The following SLC9A8 variants were observed in gnomAD, a reference collection of about 807,000 sequenced individuals.
The protein encoded by SLC9A8 is sodium/hydrogen exchanger 8.
A neutral mutation model predicts 66.6 loss-of-function variants in SLC9A8; 48 were observed. The observed-to-expected ratio is 0.72, with a 90% CI of 0.57 to 0.92. The LOEUF is 0.92. Ranked by LOEUF, SLC9A8 falls within the 40% of genes least tolerant of loss-of-function variation. The probability of loss-of-function intolerance (pLI) is 0.00; values close to 1 mark genes in which losing one functional copy is unlikely to be tolerated. For synonymous variants in SLC9A8, 274 were observed against 282.6 expected (o/e 0.97, Z 0.31); for missense variants, 599 against 747.3 (o/e 0.80, Z 2.31).
At chr20:49,820,627 A>G (rs1174045579) in intron 2 of SLC9A8, among the ~76,000 whole-genome samples, 1 of 151,804 alleles carries the variant, frequency 6.6e-6, no homozygotes, top group East Asian at 1.9e-4. Flanking sequence ...GCTCACTGCA[A>G]CCTCTACCTC....
At chr20:49,831,164 CT>C (rs981441363) in intron 3 of SLC9A8, 15 of 478,884 alleles carry the variant, frequency 3.1e-5, no homozygotes, top group Non-Finnish European at 5.0e-5. Context: ...GGGCCTGGGA[CT>C]TTGCTCTGGA....
chr20:49,864,857 G>T lies in SLC9A8; in HGVS notation c.958+13G>T. 1 of 1,528,678 alleles carries T rather than the reference G, an allele frequency of 6.5e-7. No homozygotes were observed. The highest frequency in any genetic ancestry group is 1.1e-5 in the South Asian group (1 of 89,390). The allele number at this position is 1,528,678 out of a possible 1,614,324, so 94.7% of individuals were successfully genotyped here. A position where few individuals can be genotyped will look rare whatever the true frequency, so the allele number is the denominator to read the frequency against. ...ATCTCACTCTCAGGTAAGTGACAGA[G>T]AGCCTGAAAGTGCTGTGGTGATGGC... On this transcript the variant is annotated intron_variant, in intron 10 of 15. Transcript: ENST00000361573.
At chr20:49,874,255 TC>T (rs375029945) in intron 10 of SLC9A8, among the ~76,000 whole-genome samples, 103 of 150,590 alleles carry the variant, frequency 6.8e-4, no homozygotes, top group East Asian at 3.9e-3. Flanking sequence ...CAAAACTCTG[TC>T]CCCCCCCCAA....
chr20:49,836,416 C>T (rs1000026014), intron 3 of SLC9A8, among the ~76,000 whole-genome samples: 7 of 152,184 alleles, frequency 4.6e-5, no homozygotes, highest in Admixed American at 2.0e-4. Context: ...CTACTGCAAC[C>T]GCCGCCTCCC....
chr20:49,814,361 C>T (rs778537024), intron 1 of SLC9A8, among the ~76,000 whole-genome samples: 1 of 152,164 alleles, frequency 6.6e-6, no homozygotes, highest in Non-Finnish European at 1.5e-5. Context: ...TGGAATAAAG[C>T]AGTGCTCAGA....
At chr20:49,855,972 T>G (rs1271459823) in intron 8 of SLC9A8, among the ~76,000 whole-genome samples, 1 of 151,906 alleles carries the variant, frequency 6.6e-6, no homozygotes, top group Non-Finnish European at 1.5e-5. Context: ...TTAAGAAGTT[T>G]TTGTAGAGAT....
chr20:49,880,215 A>T (rs1375953545), intron 12 of SLC9A8, among the ~76,000 whole-genome samples: 1 of 151,032 alleles, frequency 6.6e-6, no homozygotes, highest in Admixed American at 6.6e-5. Flanking sequence ...ATTGAGCCAC[A>T]ATCACACCAC....
chr20:49,835,150 C>T (rs1422132869), intron 3 of SLC9A8, among the ~76,000 whole-genome samples: 1 of 150,850 alleles, frequency 6.6e-6, no homozygotes, highest in Non-Finnish European at 1.5e-5. Context: ...GTAAACCTGC[C>T]ATTTGTAGTC....
chr20:49,862,351 T>A (rs576820718), intron 8 of SLC9A8, among the ~76,000 whole-genome samples: 1 of 152,224 alleles, frequency 6.6e-6, no homozygotes, highest in South Asian at 2.1e-4. Context: ...AACCTCTGCC[T>A]CCTGGGTTCA....
chr20:49,821,391 T>A (rs896483016), intron 2 of SLC9A8, among the ~76,000 whole-genome samples: 6 of 152,228 alleles, frequency 3.9e-5, no homozygotes, highest in Non-Finnish European at 7.3e-5. Context: ...ACTTTTTTCT[T>A]GCCATTAGTA....
At chr20:49,816,029 C>T (rs1036683028) in intron 2 of SLC9A8, among the ~76,000 whole-genome samples, 28 of 152,352 alleles carry the variant, frequency 1.8e-4, no homozygotes, top group African/African-American at 6.5e-4. Context: ...CTGTCATTCT[C>T]ATTAACCATG....
intron 13 of SLC9A8, 146 bp from the exon 14 acceptor site, chr20:49,883,700 C>T: frequency 3.1e-6 from 2 of 645,818 alleles, no homozygotes; most frequent in Non-Finnish European, 5.3e-6. Flanking sequence ...ACCCCAAAGC[C>T]TCACAGGGTG....
Position 49,887,942 on chromosome 20 carries a change from G to A in SLC9A8, c.*6G>A, listed in dbSNP as rs760449683. The A allele has an allele frequency of 3.1e-6, 5 of 1,610,266 alleles. No homozygotes were observed. The highest frequency in any genetic ancestry group is 4.2e-6 in the Non-Finnish European group (5 of 1,177,038). On this transcript the variant is annotated 3_prime_UTR_variant, in exon 16 of 16. Coordinates refer to ENST00000361573, the MANE Select transcript of SLC9A8 (RefSeq NM_015266.3). ...ACGAGCAGGAGCTGCTCTGACGCCAGGTGCCAAGGCTTCAGGCAGGCAGGC... is the reference window on the plus strand; with the variant it reads ...ACGAGCAGGAGCTGCTCTGACGCCAAGTGCCAAGGCTTCAGGCAGGCAGGC...
Position 49,855,579 on chromosome 20 carries a change from C to T in SLC9A8, c.711C>T (p.Thr237=), listed in dbSNP as rs929111976. 1.9e-6 allele frequency: 3 copies of T among 1,613,746 alleles called. No individual in the cohort carries two copies. Among genetic ancestry groups the T allele is most frequent in the African/African-American group, 1.3e-5 (1 of 74,872 alleles). The part of the protein sequence containing the change: ...ILNDAVSIVL[T]NTAEGLTRKN... ...ACGATGCAGTCTCCATTGTTCTGACCAAGTAAGTACGGGGGCAGAGAACAG... is the reference window on the plus strand; with the variant it reads ...ACGATGCAGTCTCCATTGTTCTGACTAAGTAAGTACGGGGGCAGAGAACAG... The change falls in exon 8 of 16, where the codon ACC becomes ACT. Residue 237 remains threonine (T), a splice_region_variant and synonymous_variant. Coordinates refer to ENST00000361573, the MANE Select transcript of SLC9A8 (RefSeq NM_015266.3).
At chr20:49,872,932 A>G (rs1568865761) in intron 10 of SLC9A8, among the ~76,000 whole-genome samples, 1 of 152,284 alleles carries the variant, frequency 6.6e-6, no homozygotes, top group African/African-American at 2.4e-5. Flanking sequence ...AGACAATCTC[A>G]GCTTCCTTAC....
chr20:49,848,727 A>G (rs2088116936), intron 5 of SLC9A8, among the ~76,000 whole-genome samples: 2 of 152,224 alleles, frequency 1.3e-5, no homozygotes, highest in South Asian at 4.1e-4. Flanking sequence ...GTTAATGATG[A>G]TACTAATAGA....
At chr20:49,849,441 C>G (rs2146609831) in intron 5 of SLC9A8, 138 bp from the exon 6 acceptor site, 1 of 652,266 alleles carries the variant, frequency 1.5e-6, no homozygotes, top group Non-Finnish European at 2.7e-6. Context: ...CCCGGGCTCC[C>G]AGCTTGCCAC....
At chr20:49,862,716 T>A (rs2088797029) in intron 8 of SLC9A8, among the ~76,000 whole-genome samples, 1 of 152,196 alleles carries the variant, frequency 6.6e-6, no homozygotes, top group Non-Finnish European at 1.5e-5. Context: ...GAGGAGCTCC[T>A]TAAGGGCAGC....
intron 3 of SLC9A8, among the ~76,000 whole-genome samples, chr20:49,823,879 T>A (rs1434454712): frequency 5.3e-5 from 8 of 152,368 alleles, no homozygotes. Context: ...TACTAGTTTC[T>A]ACTTGCCTAC....
Sources: allele counts gnomAD v4.1 joint callset (sites outside exome capture counted in the v4.1 genomes callset), GRCh38; gene constraint gnomAD v4.1.1; transcripts MANE v1.5; gene names NCBI Gene and HGNC (gene_info 2026-07-23, HGNC 2026-07-21).